Variants in AGTPBP1 observed in about 807,000 individuals in gnomAD.
The protein encoded by AGTPBP1 is ATP/GTP binding carboxypeptidase 1.
Under a neutral mutation model 143.9 loss-of-function variants are expected in AGTPBP1, and 70 were observed. The observed-to-expected ratio is 0.49, with a 90% confidence interval of 0.40 to 0.59. AGTPBP1 has a LOEUF of 0.59. Among genes scored for constraint, AGTPBP1 ranks in the 20% least tolerant of loss-of-function variants. The pLI is 0.00. For synonymous variants in AGTPBP1, 463 were observed against 500.2 expected, an observed-to-expected ratio of 0.93 and a Z score of 0.99; for missense variants, 1,229 against 1,464.5, an observed-to-expected ratio of 0.84 and a Z score of 2.62.
chr9:85,554,683 T>C (rs1437191696), intron 25 of AGTPBP1, among the ~76,000 whole-genome samples: 2 of 152,182 alleles, frequency 1.3e-5, no homozygotes, highest in Non-Finnish European at 2.9e-5. Context: ...TCTGAAGTTT[T>C]TATACATAAT....
At position 85,588,328 on chromosome 9, in the gene AGTPBP1, A is replaced by G. The variant is rs1469379112; in HGVS notation, c.2873T>C (p.Met958Thr). The G allele has an allele frequency of 6.2e-7, 1 of 1,609,948 alleles. No individual in the cohort carries two copies. The highest frequency in any genetic ancestry group is 1.7e-5 in the Admixed American group (1 of 58,772). Reference protein sequence around the residue: ...RESYIFKIVPMLNPDGVINGN... With the variant: ...RESYIFKIVPTLNPDGVINGN... ...ATTGATGACACCATCTGGATTTAAC[A>G]TAGGGACAATTTTAAAAATATAAGA... is the stretch of plus-strand genomic sequence containing the variant. The change falls in exon 21 of 26, where the codon ATG becomes ACG. Residue 958 changes from methionine (M) to threonine (T), a missense_variant. By Grantham distance (81) the Met-to-Thr change is moderately conservative. This residue lies in a region of AGTPBP1 where 486 missense variants were observed against 652.3 expected (regional missense o/e 0.75). Transcript: ENST00000357081.
At position 85,724,699 on chromosome 9, in the gene AGTPBP1, C is replaced by G. The variant is rs114778933; in HGVS notation, c.-33-12133G>C. Among the ~76,000 whole-genome samples, 586 of 152,290 alleles carry G rather than the reference C, an allele frequency of 3.8e-3. 9 individuals are homozygous for G. The highest frequency in any genetic ancestry group is 0.013 in the African/African-American group (554 of 41,550). ...TTGATTCTTTTTATTCACACAATAA[C>G]ACAGACAACTAATTTAACAATGTGT... On this transcript the variant is annotated intron_variant, in intron 1 of 25. Coordinates refer to ENST00000357081, the MANE Select transcript of AGTPBP1 (RefSeq NM_001330701.2).
chr9:85,714,013 C>T (rs1465977569), intron 1 of AGTPBP1, among the ~76,000 whole-genome samples: 1 of 152,154 alleles, frequency 6.6e-6, no homozygotes, highest in African/African-American at 2.4e-5. Flanking sequence ...AACAGCACAT[C>T]TCATGAAAAG....
At chr9:85,750,835 T>C in the AGTPBP1 span, among the ~76,000 whole-genome samples, 29 of 152,316 alleles carry the variant, frequency 1.9e-4, no homozygotes, top group South Asian at 1.2e-3. Context: ...CCACTAGCAT[T>C]ATAAGCCCCT....
At chr9:85,587,898 C>T (rs1828714198) in intron 21 of AGTPBP1, among the ~76,000 whole-genome samples, 1 of 151,956 alleles carries the variant, frequency 6.6e-6, no homozygotes, top group African/African-American at 2.4e-5. Flanking sequence ...GCTAACATTC[C>T]AAGAGATCCC....
In AGTPBP1 at chr9:85,661,944, C is replaced by T. The variant is rs552528431; in HGVS notation, c.663-971G>A. Among the ~76,000 whole-genome samples, 45 of 152,098 alleles carry T rather than the reference C, an allele frequency of 3.0e-4. No individual in the cohort carries two copies. The South Asian group carries it at 6.4e-3, about 22-fold the overall frequency. ...TTGATAACCACAGTAGCAAGTTCTT[C>T]GTGGTTATAAAATTAGAAAACAAAC... On this transcript the variant is annotated intron_variant, in intron 8 of 25. Coordinates refer to ENST00000357081, the MANE Select transcript of AGTPBP1 (RefSeq NM_001330701.2).
intron 1 of AGTPBP1, among the ~76,000 whole-genome samples, chr9:85,721,302 T>C (rs1838098106): frequency 6.6e-6 from 1 of 152,176 alleles, no homozygotes. Flanking sequence ...AGTCTAAGTC[T>C]CTTTGTTGGT....
chr9:85,694,591 T>C (rs1836109838), intron 2 of AGTPBP1, among the ~76,000 whole-genome samples: 1 of 152,172 alleles, frequency 6.6e-6, no homozygotes, highest in East Asian at 1.9e-4. Flanking sequence ...AATGACTCTA[T>C]ACTCGCCTGA....
intron 17 of AGTPBP1, among the ~76,000 whole-genome samples, chr9:85,612,673 T>C (rs1184507183): frequency 6.6e-6 from 1 of 152,170 alleles, no homozygotes; most frequent in African/African-American, 2.4e-5. Flanking sequence ...TTGACTGGCA[T>C]CTGTAGTGAG....
intron 8 of AGTPBP1, among the ~76,000 whole-genome samples, chr9:85,663,966 T>C (rs1833988625): frequency 1.3e-5 from 2 of 152,122 alleles, no homozygotes; most frequent in African/African-American, 4.8e-5. Flanking sequence ...TGACTACTAC[T>C]CAACAATAAA....
At chr9:85,555,866 A>G (rs1182457356) in intron 25 of AGTPBP1, among the ~76,000 whole-genome samples, 1 of 152,244 alleles carries the variant, frequency 6.6e-6, no homozygotes, top group Non-Finnish European at 1.5e-5. Context: ...TAGAGGAAGA[A>G]ATGAAGAACA....
intron 17 of AGTPBP1, among the ~76,000 whole-genome samples, chr9:85,613,911 T>TA (rs1203135181): frequency 6.6e-6 from 1 of 152,094 alleles, no homozygotes; most frequent in Non-Finnish European, 1.5e-5. Context: ...CAAGCTGACC[T>TA]ATTCCTAAAA....
chr9:85,754,405 T>C, the AGTPBP1 span, among the ~76,000 whole-genome samples: 2 of 152,210 alleles, frequency 1.3e-5, no homozygotes, highest in African/African-American at 4.8e-5. Flanking sequence ...TTAGCCAGGA[T>C]GGTTTCGATT....
chr9:85,575,278 C>T, intron 25 of AGTPBP1, 37 bp downstream of exon 25: 1 of 1,514,848 alleles, frequency 6.6e-7, no homozygotes, highest in Non-Finnish European at 8.8e-7. Flanking sequence ...TAATAATATA[C>T]TACAATATAA....
intron 12 of AGTPBP1, among the ~76,000 whole-genome samples, chr9:85,644,905 G>A (rs78740406): frequency 0.021 from 3,207 of 152,174 alleles, 130 homozygotes; most frequent in African/African-American, 0.072. Context: ...GAGAGTAAGA[G>A]GCAGGCAGCA....
the AGTPBP1 span, among the ~76,000 whole-genome samples, chr9:85,767,850 C>A: frequency 6.6e-6 from 1 of 152,132 alleles, no homozygotes; most frequent in Non-Finnish European, 1.5e-5. Context: ...TTTTTTGTTT[C>A]ATTTTACTTG....
intron 23 of AGTPBP1, among the ~76,000 whole-genome samples, chr9:85,582,032 T>C (rs1048633495): frequency 5.9e-5 from 9 of 152,250 alleles, no homozygotes; most frequent in African/African-American, 9.6e-5. Context: ...ACTTAACCTG[T>C]AATAATAAAG....
intron 2 of AGTPBP1, among the ~76,000 whole-genome samples, chr9:85,698,856 C>G (rs2134341309): frequency 6.6e-6 from 1 of 151,806 alleles, no homozygotes; most frequent in Non-Finnish European, 1.5e-5. Flanking sequence ...CCACGCCCAG[C>G]TCATTTTTTT....
chr9:85,744,049 C>T (rs572182366), upstream of AGTPBP1, among the ~76,000 whole-genome samples: 1 of 152,010 alleles, frequency 6.6e-6, no homozygotes, highest in African/African-American at 2.4e-5. Context: ...CCTCAGCCTC[C>T]CACTGAGTAT....
Sources: allele counts gnomAD v4.1 joint callset (sites outside exome capture counted in the v4.1 genomes callset), GRCh38; gene constraint gnomAD v4.1.1; regional missense constraint gnomAD v4.1.1; transcripts MANE v1.5; gene names NCBI Gene and HGNC (gene_info 2026-07-23, HGNC 2026-07-21).